ZFHX3: variants seen among roughly 807,000 people sequenced by gnomAD.
The protein encoded by ZFHX3 is zinc finger homeobox 3.
A neutral mutation model predicts 279.1 loss-of-function variants in ZFHX3; 42 were observed. The ratio of observed to expected loss-of-function variants is 0.15; its 90% CI spans 0.12 to 0.19. ZFHX3 has a LOEUF of 0.19. Ranked by LOEUF, ZFHX3 falls within the 10% of genes least tolerant of loss-of-function variation. The pLI is 1.00. For missense variants in ZFHX3, 4,981 were observed against 4,754.0 expected, an observed-to-expected ratio of 1.05 and a Z score of -1.40; for synonymous variants, 2,293 against 1,957.8, an observed-to-expected ratio of 1.17 and a Z score of -4.52.
intron 7 of ZFHX3, among the ~76,000 whole-genome samples, chr16:72,806,456 C>G (rs1461061603): frequency 1.3e-5 from 2 of 152,166 alleles, no homozygotes; most frequent in African/African-American, 4.8e-5. Context: ...ATACCAAGGT[C>G]ACTTCTAATT....
intron 2 of ZFHX3, among the ~76,000 whole-genome samples, chr16:73,558,031 G>C (rs1269367196): frequency 6.6e-6 from 1 of 152,118 alleles, no homozygotes; most frequent in Non-Finnish European, 1.5e-5. Flanking sequence ...GTCCCGAATG[G>C]GCCTTCCCTC....
At chr16:73,584,335 T>A (rs796685603) in intron 2 of ZFHX3, among the ~76,000 whole-genome samples, 4 of 152,104 alleles carry the variant, frequency 2.6e-5, no homozygotes, top group African/African-American at 2.4e-5. Flanking sequence ...TATCTAAACC[T>A]CTCATAATGA....
At position 73,077,361 on chromosome 16, in the gene ZFHX3, CT is replaced by C. The variant is rs532748702; in HGVS notation, c.-533+15873del. 1.4e-3 allele frequency among the ~76,000 whole-genome samples: 208 copies of C among 147,792 alleles called. 1 individual carries two copies. Among genetic ancestry groups the C allele is most frequent in the South Asian group, 1.7e-3 (8 of 4,678 alleles). On this transcript the variant is annotated intron_variant, in intron 8 of 17. Transcript: ENST00000641206. ...ATTATTCTAGAAATAAATTGGTAAT[CT>C]TTTTTTTTTTCCAGGTGAAGTTCCA...
chr16:73,721,035 T>G (rs747715359), intron 1 of ZFHX3, among the ~76,000 whole-genome samples: 2 of 152,252 alleles, frequency 1.3e-5, no homozygotes, highest in Non-Finnish European at 2.9e-5. Flanking sequence ...AACTTGAATT[T>G]GAATGCTTCT....
rs2035386620 is a variant in ZFHX3 at position 72,786,636 on chromosome 16, GAAAAC to G, written c.*523_*527del. On this transcript the variant is annotated 3_prime_UTR_variant, in exon 10 of 10. Coordinates refer to ENST00000268489, the MANE Select transcript of ZFHX3 (RefSeq NM_006885.4). The stretch of plus-strand genomic sequence containing the variant: ...CAATAATATATAAAACAATGATTCT[GAAAAC>G]AAAGTGTGAGCGATTGACCTGAGAA... The G allele has an allele frequency of 6.7e-6, 1 of 149,572 alleles. No individual in the cohort carries two copies. The highest frequency in any genetic ancestry group is 2.5e-5 in the African/African-American group (1 of 40,734). The allele number at this position is 149,572 out of a possible 1,614,324, so 9.3% of individuals were successfully genotyped here. A position where few individuals can be genotyped will look rare whatever the true frequency, so the allele number is the denominator to read the frequency against.
intron 3 of ZFHX3, among the ~76,000 whole-genome samples, chr16:73,341,140 A>G (rs2016025498): frequency 6.6e-6 from 1 of 152,158 alleles, no homozygotes; most frequent in South Asian, 2.1e-4. Context: ...CAGGAGTTCA[A>G]GACTAGCCTG....
chr16:73,627,407 CT>C (rs2052427586), intron 2 of ZFHX3, among the ~76,000 whole-genome samples: 3 of 152,178 alleles, frequency 2.0e-5, no homozygotes, highest in African/African-American at 2.4e-5. Context: ...ATATCCTAAA[CT>C]TCATCATGTC....
intron 1 of ZFHX3, among the ~76,000 whole-genome samples, chr16:73,712,504 A>C (rs1218431195): frequency 6.6e-6 from 1 of 152,182 alleles, no homozygotes; most frequent in Non-Finnish European, 1.5e-5. Context: ...AGGGAGCACA[A>C]GCCCTGTGTG....
chr16:73,456,236 C>A (rs935375371), exon 3 of ZFHX3: 1 of 152,142 alleles, frequency 6.6e-6, no homozygotes, highest in African/African-American at 2.4e-5. Context: ...ATATTTTATA[C>A]TTGTTCCTTG....
rs528344813 is a variant in ZFHX3, at chr16:73,382,443, C to G, written c.-1290-64107G>C. 3.9e-4 allele frequency among the ~76,000 whole-genome samples: 60 copies of G among 152,158 alleles called. 1 individual carries two copies. Among genetic ancestry groups the G allele is most frequent in the African/African-American group, 1.3e-3 (54 of 41,506 alleles). On this transcript the variant is annotated intron_variant, in intron 3 of 17. Coordinates refer to the ZFHX3 transcript ENST00000641206. ...ACAAACAACCCAACAGAAAAATGAA[C>G]AAAGGGTATGGATTTTAGTTTAAGT... is the stretch of plus-strand genomic sequence containing the variant.
intron 3 of ZFHX3, among the ~76,000 whole-genome samples, chr16:73,371,453 C>T (rs910008179): frequency 4.0e-5 from 6 of 151,656 alleles, no homozygotes; most frequent in Admixed American, 2.6e-4. Context: ...GGCGCCAACT[C>T]GGCTCGCTGC....
Position 72,794,853 on chromosome 16 carries a change from G to A in ZFHX3, c.7829C>T (p.Thr2610Ile), listed in dbSNP as rs150033797. The change falls in exon 9 of 10, where the codon ACA (threonine) becomes ATA (isoleucine). Residue 2610 changes from threonine to isoleucine, a missense_variant. This residue lies in a region of ZFHX3 where 744 missense variants were observed against 701.3 expected (regional missense o/e 1.06). Coordinates refer to ENST00000268489, the MANE Select transcript of ZFHX3 (RefSeq NM_006885.4). This position sits in a 1 kb window ranked among gnomAD's most constrained non-coding sequence, Gnocchi z 4.2. ...SATSPSTPTS[T>I]MNTLKRKLEE... is the part of the protein sequence containing the mutation. ...CAGCTTCCTCTTGAGAGTGTTCATT[G>A]TGGAGGTTGGAGTTGAAGGAGAAGT... 12 of 1,613,934 alleles carry A rather than the reference G, an allele frequency of 7.4e-6. No homozygotes were observed. In the African/African-American group the frequency reaches 1.6e-4, roughly 22 times the overall value.
intron 1 of ZFHX3, among the ~76,000 whole-genome samples, chr16:72,970,568 T>C (rs1597035522): frequency 6.6e-6 from 1 of 152,162 alleles, no homozygotes; most frequent in Non-Finnish European, 1.5e-5. Context: ...CCAAATACCA[T>C]TGCTTTACCT....
chr16:73,030,667 A>C (rs753815204), intron 1 of ZFHX3, among the ~76,000 whole-genome samples: 11 of 152,302 alleles, frequency 7.2e-5, no homozygotes, highest in Non-Finnish European at 1.3e-4. Context: ...AACAGGAAGC[A>C]TGAGTCCAGA....
intron 2 of ZFHX3, among the ~76,000 whole-genome samples, chr16:73,576,878 A>AC (rs1319357913): frequency 6.6e-6 from 1 of 151,882 alleles, no homozygotes; most frequent in Non-Finnish European, 1.5e-5. Flanking sequence ...CTCTCCTCCC[A>AC]CCCTCCACGC....
intron 5 of ZFHX3, among the ~76,000 whole-genome samples, chr16:73,177,414 T>C (rs1010812924): frequency 3.9e-5 from 6 of 152,248 alleles, no homozygotes; most frequent in African/African-American, 1.4e-4. Flanking sequence ...AATGTTTCTT[T>C]AATGTGACAC....
At chr16:73,817,777 C>T (rs1376745000) in intron 1 of ZFHX3, among the ~76,000 whole-genome samples, 3 of 152,118 alleles carry the variant, frequency 2.0e-5, no homozygotes, top group East Asian at 1.9e-4. Flanking sequence ...AGTCTATAAA[C>T]GCCGAAAGAA....
At chr16:73,008,577 G>C (rs1455212081) in intron 1 of ZFHX3, among the ~76,000 whole-genome samples, 1 of 152,206 alleles carries the variant, frequency 6.6e-6, no homozygotes, top group East Asian at 1.9e-4. Context: ...AGAGATCTGA[G>C]TGTAAGCAAC....
At chr16:72,978,154 C>T (rs1364632947) in intron 1 of ZFHX3, among the ~76,000 whole-genome samples, 1 of 152,284 alleles carries the variant, frequency 6.6e-6, no homozygotes, top group South Asian at 2.1e-4. Flanking sequence ...CGTGAGCCAC[C>T]GCACCCAGCC....
Sources: gnomAD v4.1 joint callset for allele counts (sites outside exome capture counted in the v4.1 genomes callset) on GRCh38, gnomAD v4.1.1 for gene constraint, gnomAD v4.1.1 regional missense constraint, Gnocchi (gnomAD v3.1) non-coding constraint, MANE v1.5 for transcripts, NCBI Gene and HGNC (gene_info 2026-07-23, HGNC 2026-07-21) for gene names.